The following GPHN variants were observed in gnomAD, a reference collection of about 807,000 sequenced individuals.
GPHN encodes gephyrin.
In GPHN, 17 loss-of-function variants were observed where a neutral mutation model predicts 95.5. The observed-to-expected ratio is 0.18, with a 90% CI of 0.12 to 0.27. GPHN has a LOEUF of 0.27. GPHN is among the 10% of genes least tolerant of loss of function. The probability of loss-of-function intolerance (pLI) is 1.00; values close to 1 mark genes in which losing one functional copy is unlikely to be tolerated. For missense variants in GPHN, 660 were observed against 978.1 expected, an observed-to-expected ratio of 0.67 and a Z score of 4.34; for synonymous variants, 320 against 322.5, an observed-to-expected ratio of 0.99 and a Z score of 0.08.
At position 66,922,662 on chromosome 14, in the gene GPHN, A is replaced by G. The variant is rs1284169847; in HGVS notation, c.457-4A>G. ...TAATTTTTTTTTCTTTCTCTTGCAT[A>G]CAGGAATGCTTTCAATTCATACTGC... is the stretch of plus-strand genomic sequence containing the variant. On this transcript the variant is annotated splice_polypyrimidine_tract_variant and splice_region_variant and intron_variant, in intron 6 of 22. Transcript: ENST00000478722. 2 of 1,606,944 alleles carry G rather than the reference A, an allele frequency of 1.2e-6. No individual in the cohort carries two copies. The highest frequency in any genetic ancestry group is 1.7e-6 in the Non-Finnish European group (2 of 1,174,892).
At chr14:66,639,614 A>AT (rs57946638) in intron 1 of GPHN, among the ~76,000 whole-genome samples, 215 of 148,726 alleles carry the variant, frequency 1.4e-3, no homozygotes, top group Non-Finnish European at 2.2e-3. Flanking sequence ...GGTGATGATT[A>AT]TTTTTTTTTT....
the GPHN span, chr14:67,587,491 C>A: frequency 2.0e-6 from 1 of 505,228 alleles, no homozygotes; most frequent in Admixed American, 3.3e-5. Flanking sequence ...CCAGATGCTA[C>A]CTGATTCTAG....
intron 5 of GPHN, among the ~76,000 whole-genome samples, chr14:66,896,188 G>T (rs532829453): frequency 6.6e-6 from 1 of 152,246 alleles, no homozygotes; most frequent in South Asian, 2.1e-4. Flanking sequence ...ATCAGCATAT[G>T]AATTTGGGGT....
At chr14:66,971,882 A>T (rs376715494) in intron 9 of GPHN, among the ~76,000 whole-genome samples, 1 of 152,324 alleles carries the variant, frequency 6.6e-6, no homozygotes, top group East Asian at 1.9e-4. Context: ...TAATATAATC[A>T]CCAAGCTCAT....
At chr14:67,208,069 C>T in the GPHN span, 50 of 1,334,628 alleles carry the variant, frequency 3.7e-5, no homozygotes, top group Non-Finnish European at 4.9e-5. Context: ...AAGCCTCACT[C>T]CCTCCTTACT....
At chr14:67,195,352 C>T in the GPHN span, among the ~76,000 whole-genome samples, 1 of 152,078 alleles carries the variant, frequency 6.6e-6, no homozygotes, top group Admixed American at 6.6e-5. Flanking sequence ...ACACCTTTTC[C>T]CCTGGGAGAT....
At chr14:66,999,770 A>G (rs539550721) in intron 9 of GPHN, among the ~76,000 whole-genome samples, 2 of 151,990 alleles carry the variant, frequency 1.3e-5, no homozygotes, top group East Asian at 3.9e-4. Context: ...GAATTCCCTT[A>G]GTATAAACCA....
At chr14:66,517,155 A>G (rs1238741699) in intron 1 of GPHN, among the ~76,000 whole-genome samples, 1 of 150,326 alleles carries the variant, frequency 6.7e-6, no homozygotes, top group Non-Finnish European at 1.5e-5. Flanking sequence ...AAAAAAAAGA[A>G]GAAACTGAAT....
intron 2 of GPHN, among the ~76,000 whole-genome samples, chr14:66,682,888 T>G (rs2067027620): frequency 6.6e-6 from 1 of 152,162 alleles, no homozygotes. Context: ...GAACTACACT[T>G]GAATAATGGA....
chr14:66,599,804 T>C (rs1290821610), intron 1 of GPHN, among the ~76,000 whole-genome samples: 1 of 151,984 alleles, frequency 6.6e-6, no homozygotes, highest in African/African-American at 2.4e-5. Flanking sequence ...TGCTGGCTAA[T>C]TGGGAAGTAC....
chr14:67,108,176 T>C (rs2078155619), intron 13 of GPHN, among the ~76,000 whole-genome samples: 1 of 152,162 alleles, frequency 6.6e-6, no homozygotes, highest in South Asian at 2.1e-4. Context: ...AAGACAATGG[T>C]ACCTGAACCT....
the GPHN span, among the ~76,000 whole-genome samples, chr14:67,629,873 A>G: frequency 6.6e-6 from 1 of 152,088 alleles, no homozygotes; most frequent in African/African-American, 2.4e-5. Context: ...ATACTTGGCA[A>G]ATTTTTGAGT....
At chr14:66,666,248 A>G (rs1211902100) in intron 1 of GPHN, among the ~76,000 whole-genome samples, 1 of 150,756 alleles carries the variant, frequency 6.6e-6, no homozygotes, top group Non-Finnish European at 1.5e-5. Flanking sequence ...CTTAAAGTAT[A>G]ATAAAAATAT....
intron 3 of GPHN, among the ~76,000 whole-genome samples, chr14:66,789,185 A>G (rs945961653): frequency 6.6e-6 from 1 of 152,196 alleles, no homozygotes; most frequent in Non-Finnish European, 1.5e-5. Flanking sequence ...AACCTTCCAC[A>G]ATTTGTTCAA....
At chr14:66,542,304 T>A (rs561523438) in intron 1 of GPHN, among the ~76,000 whole-genome samples, 266 of 152,208 alleles carry the variant, frequency 1.7e-3, no homozygotes, top group Non-Finnish European at 3.1e-3. Context: ...AGATTGTTTA[T>A]TCTTCTATTT....
At chr14:67,593,891 T>C in the GPHN span, 4 of 1,613,580 alleles carry the variant, frequency 2.5e-6, no homozygotes, top group Non-Finnish European at 3.4e-6. Flanking sequence ...CTTCACAAAA[T>C]GGAGATAACC....
At chr14:66,855,556 C>G (rs1273511224) in intron 4 of GPHN, among the ~76,000 whole-genome samples, 1 of 152,068 alleles carries the variant, frequency 6.6e-6, no homozygotes, top group Non-Finnish European at 1.5e-5. Flanking sequence ...TTGTTTTCAT[C>G]TTTTGGCTAT....
chr14:67,253,527 C>T, the GPHN span, among the ~76,000 whole-genome samples: 1 of 152,118 alleles, frequency 6.6e-6, no homozygotes, highest in South Asian at 2.1e-4. Flanking sequence ...GTTTTCACTA[C>T]ACATTTTTAA....
At chr14:67,129,092 G>A (rs150809953) in intron 17 of GPHN, among the ~76,000 whole-genome samples, 25 of 151,782 alleles carry the variant, frequency 1.6e-4, no homozygotes, top group African/African-American at 5.3e-4. Context: ...GGGATAAAAG[G>A]TGTGAGCCAT....
Sources: allele counts gnomAD v4.1 joint callset (sites outside exome capture counted in the v4.1 genomes callset), GRCh38; gene constraint gnomAD v4.1.1; transcripts MANE v1.5; gene names NCBI Gene and HGNC (gene_info 2026-07-23, HGNC 2026-07-21).